CD33: variants seen among roughly 807,000 people sequenced by gnomAD.
CD33 encodes CD33 molecule.
CD33 carries 25 observed loss-of-function variants against 31.4 expected under a neutral mutation model. The observed-to-expected ratio is 0.80, with a 90% CI of 0.58 to 1.11. The LOEUF is 1.11. Among genes scored for constraint, CD33 ranks in the 50% most tolerant of loss-of-function variants. The probability of loss-of-function intolerance (pLI) is 0.00; values close to 1 mark genes in which losing one functional copy is unlikely to be tolerated. For synonymous variants in CD33, 176 were observed against 180.6 expected (o/e 0.97, Z 0.20); for missense variants, 407 against 448.1 (o/e 0.91, Z 0.83).
upstream of CD33, among the ~76,000 whole-genome samples, chr19:51,220,369 G>T (rs946601885): frequency 6.6e-6 from 1 of 152,216 alleles, no homozygotes; most frequent in Non-Finnish European, 1.5e-5. Flanking sequence ...AGGCAGAAAT[G>T]AAGGTGTTGG....
the CD33 span, chr19:51,211,535 G>A: frequency 6.5e-7 from 1 of 1,527,758 alleles, no homozygotes; most frequent in East Asian, 2.3e-5. Flanking sequence ...CGGATGGAGA[G>A]AGGAAGTACC....
chr19:51,236,459 G>C (rs911329480), intron 6 of CD33: 1 of 154,822 alleles, frequency 6.5e-6, no homozygotes, highest in African/African-American at 2.4e-5. Context: ...TGGAGTGTAA[G>C]AGCTCAATAA....
the CD33 span, chr19:51,211,206 A>C: frequency 1.3e-5 from 21 of 1,576,592 alleles, no homozygotes; most frequent in Admixed American, 3.6e-4. Context: ...GTTTCCCCAC[A>C]GGGGCCCTGG....
At chr19:51,220,059 T>TCC in the CD33 span, among the ~76,000 whole-genome samples, 1 of 152,200 alleles carries the variant, frequency 6.6e-6, no homozygotes, top group Non-Finnish European at 1.5e-5. Flanking sequence ...CAGAGAGGAT[T>TCC]CCCTCCTCCT....
At chr19:51,223,690 T>C (rs1280318884), upstream of CD33, among the ~76,000 whole-genome samples, 1 of 152,230 alleles carries the variant, frequency 6.6e-6, no homozygotes, top group Non-Finnish European at 1.5e-5. Flanking sequence ...AGAAGTTTTT[T>C]CTGCACTGGT....
upstream of CD33, among the ~76,000 whole-genome samples, chr19:51,224,281 C>CTTTTAGCT (rs1473581381): frequency 6.6e-6 from 1 of 152,108 alleles, no homozygotes; most frequent in Non-Finnish European, 1.5e-5. Flanking sequence ...ACTGAGTCTG[C>CTTTTAGCT]TTTTAGCTTC....
At chr19:51,230,904 G>C (rs1981359668) in intron 4 of CD33, among the ~76,000 whole-genome samples, 2 of 151,936 alleles carry the variant, frequency 1.3e-5, no homozygotes, top group Non-Finnish European at 2.9e-5. Context: ...ACCAAGCTCT[G>C]TGCCTAAGGG....
the CD33 span, among the ~76,000 whole-genome samples, chr19:51,215,636 G>T: frequency 6.6e-6 from 1 of 152,092 alleles, no homozygotes; most frequent in Non-Finnish European, 1.5e-5. Flanking sequence ...GCTGCACTCA[G>T]CATGGCCAAA....
chr19:51,225,224 T>G lies in CD33; in HGVS notation c.44T>G (p.Leu15Arg), dbSNP rs767008738. 15 of 1,613,146 alleles carry G rather than the reference T, an allele frequency of 9.3e-6. No homozygotes were observed. Among genetic ancestry groups the G allele is most frequent in the Admixed American group, 1.7e-5 (1 of 59,976 alleles). ...GACCCTCGTTTCCCCACAGGGGCCC[T>G]GGCTATGGATCCAAATTTCTGGCTG... is the stretch of plus-strand genomic sequence containing the variant. ...LLLPLLWAGA[L>R]AMDPNFWLQV... The change falls in exon 2 of 7, where the codon CTG (leucine) becomes CGG (arginine). Residue 15 changes from leucine (L) to arginine (R), a missense_variant. Physicochemically the swap from Leu to Arg is moderately radical, Grantham distance 102 (BLOSUM62 -2). Coordinates refer to ENST00000262262, the MANE Select transcript of CD33 (RefSeq NM_001772.4).
chr19:51,226,005 C>T lies in CD33; in HGVS notation c.621C>T (p.Gly207=), dbSNP rs371756536. The change falls in exon 3 of 7, where the codon GGC becomes GGT. Residue 207 remains glycine, a synonymous_variant. Coordinates refer to ENST00000262262, the MANE Select transcript of CD33 (RefSeq NM_001772.4). ...TCACCCCACGGCCCCAGGACCACGG[C>T]ACCAACCTGACCTGTCAGGTGAAGT... ...LIITPRPQDH[G]TNLTCQVKFA... 5 of 1,614,140 alleles carry T rather than the reference C, an allele frequency of 3.1e-6. No homozygotes were observed. The East Asian group carries it at 8.9e-5, about 29-fold the overall frequency.
intron 4 of CD33, among the ~76,000 whole-genome samples, chr19:51,230,408 T>G (rs889566499): frequency 1.3e-5 from 2 of 152,236 alleles, no homozygotes; most frequent in African/African-American, 4.8e-5. Context: ...AATCCAACGT[T>G]TATTTGTTAA....
chr19:51,237,159 A>G (rs1568437273), intron 6 of CD33: 1 of 150,236 alleles, frequency 6.7e-6, no homozygotes, highest in African/African-American at 2.4e-5. Context: ...TCAAGCTCTG[A>G]TTTTTTTTTT....
chr19:51,226,130 A>G, intron 3 of CD33, 49 bp downstream of exon 3: 1 of 1,596,830 alleles, frequency 6.3e-7, no homozygotes, highest in Non-Finnish European at 8.6e-7. Flanking sequence ...TAGGGGAGAC[A>G]GGATGGGCTG....
At chr19:51,226,160 T>C in intron 3 of CD33, 79 bp downstream of exon 3, 1 of 1,559,616 alleles carries the variant, frequency 6.4e-7, no homozygotes, top group South Asian at 1.2e-5. Context: ...ACATTTAGTG[T>C]CCTGGAGGCC....
intron 6 of CD33, 153 bp from the exon 7 acceptor site, chr19:51,239,365 A>C (rs1293770573): frequency 1.8e-6 from 1 of 550,070 alleles, no homozygotes; most frequent in Non-Finnish European, 3.1e-6. Context: ...GATAATGAAT[A>C]AGTAGAGCCT....
rs144058651 is a variant in CD33, at chr19:51,232,159, A to C, written c.746-2998A>C. On this transcript the variant is annotated intron_variant, in intron 4 of 6. Coordinates refer to ENST00000262262, the MANE Select transcript of CD33 (RefSeq NM_001772.4). ...TATTTTATTTCTCCTTCTTTTCTGA[A>C]AGATAGCTTTTCTGGGTATAGTATT... 2.3e-3 allele frequency among the ~76,000 whole-genome samples: 344 copies of C among 152,276 alleles called. 1 individual carries two copies. Among genetic ancestry groups the C allele is most frequent in the African/African-American group, 7.9e-3 (329 of 41,538 alleles).
intron 4 of CD33, among the ~76,000 whole-genome samples, chr19:51,230,921 G>A (rs1981361130): frequency 6.6e-6 from 1 of 152,018 alleles, no homozygotes. Context: ...AGGGTGGAAG[G>A]CTGCCCTGCC....
chr19:51,235,076 C>G, intron 4 of CD33, 81 bp from the exon 5 acceptor site: 1 of 1,136,334 alleles, frequency 8.8e-7, no homozygotes, highest in Middle Eastern at 2.0e-4. Flanking sequence ...GTGAAGTCAC[C>G]CCTCTCTACA....
At chr19:51,235,929 C>T (rs542615879) in intron 6 of CD33, 54 of 699,418 alleles carry the variant, frequency 7.7e-5, no homozygotes, top group Non-Finnish European at 1.1e-4. Flanking sequence ...GAGGCCAAGG[C>T]GGGCGGATCA....
Sources: allele counts gnomAD v4.1 joint callset (sites outside exome capture counted in the v4.1 genomes callset), GRCh38; gene constraint gnomAD v4.1.1; transcripts MANE v1.5; gene names NCBI Gene and HGNC (gene_info 2026-07-23, HGNC 2026-07-21).